Variants in CD163L1 observed in about 807,000 individuals in gnomAD.
The protein encoded by CD163L1 is CD163 molecule like 1.
Under a neutral mutation model 165.4 loss-of-function variants are expected in CD163L1, and 124 were observed. That is an observed-to-expected ratio of 0.75 (90% CI 0.65 to 0.87). The LOEUF (loss-of-function observed/expected upper bound fraction) is 0.87. CD163L1 is among the 40% of genes least tolerant of loss of function. The pLI is 0.00. For missense variants in CD163L1, 1,525 were observed against 1,799.9 expected (o/e 0.85, Z 2.76); for synonymous variants, 585 against 662.2 (o/e 0.88, Z 1.79).
At chr12:7,420,639 A>C (rs759013522) in intron 4 of CD163L1, among the ~76,000 whole-genome samples, 42 of 152,126 alleles carry the variant, frequency 2.8e-4, no homozygotes, top group Non-Finnish European at 3.8e-4. Flanking sequence ...GAGAAATGCA[A>C]GTAAAAGCCA....
intron 4 of CD163L1, among the ~76,000 whole-genome samples, chr12:7,421,453 GTACATATA>G (rs1337518981): frequency 9.4e-6 from 1 of 106,262 alleles, no homozygotes; most frequent in African/African-American, 4.0e-5. Context: ...ATACATATAT[GTACATATA>G]TACATATATA....
intron 8 of CD163L1, among the ~76,000 whole-genome samples, chr12:7,382,265 G>A (rs1032475740): frequency 6.6e-6 from 1 of 152,006 alleles, no homozygotes; most frequent in Non-Finnish European, 1.5e-5. Context: ...TGATATTCAT[G>A]ATTATGGAGA....
At chr12:7,341,644 G>A in the CD163L1 span, among the ~76,000 whole-genome samples, 1 of 152,120 alleles carries the variant, frequency 6.6e-6, no homozygotes, top group Non-Finnish European at 1.5e-5. Flanking sequence ...CAATTTTCTT[G>A]TTGTTTCAGG....
At chr12:7,394,394 A>G (rs763580544) in intron 8 of CD163L1, among the ~76,000 whole-genome samples, 1 of 152,348 alleles carries the variant, frequency 6.6e-6, no homozygotes, top group Admixed American at 6.5e-5. Flanking sequence ...AGCCATATGT[A>G]GAAAGCTGAA....
chr12:7,439,973 C>A, intron 2 of CD163L1: 1 of 1,560,822 alleles, frequency 6.4e-7, no homozygotes, highest in South Asian at 1.2e-5. Context: ...CTCGCTCCCT[C>A]CGCAGCCTGC....
chr12:7,362,308 AATT>A (rs1252649240), intron 18 of CD163L1, among the ~76,000 whole-genome samples: 1 of 139,880 alleles, frequency 7.1e-6, no homozygotes, highest in Non-Finnish European at 1.5e-5. Context: ...TATACTATAT[AATT>A]ATATTAAATT....
intron 6 of CD163L1, among the ~76,000 whole-genome samples, chr12:7,403,177 T>C (rs1329321738): frequency 6.4e-5 from 9 of 141,130 alleles, no homozygotes; most frequent in Admixed American, 2.2e-4. Flanking sequence ...TAATCAGAAA[T>C]AAACAATGTA....
At position 7,368,531 on chromosome 12, in the gene CD163L1, T is replaced by TTC. The variant is rs1470546030; in HGVS notation, c.4073-335_4073-334insGA. Among the ~76,000 whole-genome samples the TTC allele has an allele frequency of 1.0e-4, 15 of 145,674 alleles. No individual in the cohort carries two copies. The East Asian group carries it at 2.6e-3, about 25-fold the overall frequency. ...GGCTTGAGCTGAGCTGTTTCTTTCT[T>TTC]TTTTTTTTTTTTTTGAGATGGAGTC... is the stretch of plus-strand genomic sequence containing the variant. On this transcript the variant is annotated intron_variant, in intron 16 of 19. Coordinates refer to ENST00000313599, the MANE Select transcript of CD163L1 (RefSeq NM_174941.6). The surrounding 1 kb of genome is among the most constrained non-coding windows in gnomAD (Gnocchi z 4.3).
In CD163L1 at chr12:7,433,589, C is replaced by T. The variant is rs1358501806; in HGVS notation, c.230G>A (p.Trp77Ter). The change falls in exon 3 of 20, where the codon TGG (tryptophan) becomes TAG (stop). Residue 77 changes from tryptophan (W) to a stop codon, truncating the protein, a stop_gained. Transcript: ENST00000313599. LOFTEE classifies it high-confidence loss of function. Reference protein sequence around the residue: ...GQWGTVCDDGWNTTASTVVCK... With the variant: ...GQWGTVCDDG ...CACGACAGTTGAGGCAGTAGTGTTC[C>T]ACCCATCATCACACACAGTCCCCCA... The T allele has an allele frequency of 3.7e-6, 6 of 1,614,038 alleles. No individual in the cohort carries two copies. The highest frequency in any genetic ancestry group is 4.2e-6 in the Non-Finnish European group (5 of 1,180,010).
chr12:7,404,762 G>T (rs759746890), intron 5 of CD163L1, among the ~76,000 whole-genome samples: 67 of 152,240 alleles, frequency 4.4e-4, no homozygotes, highest in African/African-American at 1.4e-3. Context: ...TATAAATAAT[G>T]TAGGTCATAA....
At position 7,434,226 on chromosome 12, in the gene CD163L1, CAGG is replaced by C. The variant is rs762972308; in HGVS notation, c.125-535_125-533del. On this transcript the variant is annotated intron_variant, in intron 2 of 19. Coordinates refer to ENST00000313599, the MANE Select transcript of CD163L1 (RefSeq NM_174941.6). ...TAAATACATTCAACAATAGGCCTTG[CAGG>C]AGGAGAAGACCTAGTCGTCCATGAT... Among the ~76,000 whole-genome samples the C allele has an allele frequency of 5.2e-3, 793 of 152,258 alleles. 8 individuals are homozygous for C. Among genetic ancestry groups the C allele is most frequent in the African/African-American group, 0.017 (695 of 41,548 alleles).
At chr12:7,331,518 C>T in the CD163L1 span, among the ~76,000 whole-genome samples, 1 of 152,226 alleles carries the variant, frequency 6.6e-6, no homozygotes, top group Non-Finnish European at 1.5e-5. Flanking sequence ...AGTAGCCTAA[C>T]TGGGAGGCAC....
chr12:7,368,977 A>G lies in CD163L1; in HGVS notation c.4040-12T>C, dbSNP rs760455518. 1.9e-6 allele frequency: 3 copies of G among 1,551,910 alleles called. No individual in the cohort carries two copies. The highest frequency in any genetic ancestry group is 2.7e-6 in the Non-Finnish European group (3 of 1,126,976). ...TTTCAGCGACTGTCCTGAGAGAGAG[A>G]GAGAGAGAGAGAGACGTAAATGAAC... On this transcript the variant is annotated splice_polypyrimidine_tract_variant and intron_variant, in intron 15 of 19. Coordinates refer to ENST00000313599, the MANE Select transcript of CD163L1 (RefSeq NM_174941.6). The surrounding 1 kb of genome is among the most constrained non-coding windows in gnomAD (Gnocchi z 4.3).
chr12:7,394,577 G>A (rs1257494405), intron 8 of CD163L1, among the ~76,000 whole-genome samples: 1 of 152,082 alleles, frequency 6.6e-6, no homozygotes, highest in Non-Finnish European at 1.5e-5. Context: ...GGCAACAAAA[G>A]CCAAAATTGA....
intron 2 of CD163L1, among the ~76,000 whole-genome samples, chr12:7,435,228 G>T (rs1298174269): frequency 1.3e-5 from 2 of 149,862 alleles, no homozygotes; most frequent in African/African-American, 2.4e-5. Context: ...TTCTACCAAG[G>T]TGTGATAAAA....
rs115827909 is a variant in CD163L1, at chr12:7,437,988, G to T, written c.124+3166C>A. 8.1e-3 allele frequency among the ~76,000 whole-genome samples: 1,215 copies of T among 150,514 alleles called. 13 individuals are homozygous for T. Among genetic ancestry groups the T allele is most frequent in the African/African-American group, 0.028 (1,141 of 41,054 alleles). On this transcript the variant is annotated intron_variant, in intron 2 of 19. Coordinates refer to ENST00000313599, the MANE Select transcript of CD163L1 (RefSeq NM_174941.6). ...TTACTTCTCCATGTTCCCCCTTCTG[G>T]TCCTTGTACTTTTACATGCATAATC...
the CD163L1 span, among the ~76,000 whole-genome samples, chr12:7,338,646 C>T: frequency 6.6e-6 from 1 of 152,262 alleles, no homozygotes; most frequent in East Asian, 1.9e-4. Flanking sequence ...TACCTTCCTC[C>T]TGGTCTACCC....
At chr12:7,434,278 C>G (rs1486577831) in intron 2 of CD163L1, among the ~76,000 whole-genome samples, 3 of 152,138 alleles carry the variant, frequency 2.0e-5, no homozygotes, top group Non-Finnish European at 4.4e-5. Flanking sequence ...TCCACCTTCT[C>G]TAATCAACAG....
At chr12:7,391,969 T>C (rs757231380) in intron 8 of CD163L1, among the ~76,000 whole-genome samples, 2 of 150,652 alleles carry the variant, frequency 1.3e-5, no homozygotes, top group Non-Finnish European at 2.9e-5. Context: ...CCACACAATA[T>C]TAATGGGAGA....
Sources: allele counts gnomAD v4.1 joint callset (sites outside exome capture counted in the v4.1 genomes callset), GRCh38; gene constraint gnomAD v4.1.1; non-coding constraint Gnocchi (gnomAD v3.1); transcripts MANE v1.5; gene names NCBI Gene and HGNC (gene_info 2026-07-23, HGNC 2026-07-21).